ESRRB: variants seen among roughly 807,000 people sequenced by gnomAD.
ESRRB encodes estrogen related receptor beta.
A neutral mutation model predicts 46.0 loss-of-function variants in ESRRB; 16 were observed. The observed-to-expected ratio is 0.35, with a 90% CI of 0.24 to 0.53. The LOEUF is 0.53. Among genes scored for constraint, ESRRB ranks in the 20% least tolerant of loss-of-function variants. ESRRB has a pLI of 0.93. For missense variants in ESRRB, 488 were observed against 607.4 expected (o/e 0.80, Z 2.07); for synonymous variants, 246 against 259.6 (o/e 0.95, Z 0.50).
intron 1 of ESRRB, among the ~76,000 whole-genome samples, chr14:76,338,983 G>A (rs1185504610): frequency 1.3e-5 from 2 of 152,034 alleles, no homozygotes; most frequent in Non-Finnish European, 1.5e-5. Flanking sequence ...CACCTCAAAG[G>A]GACCATGGAT....
At chr14:76,458,294 C>T (rs1385199602) in intron 2 of ESRRB, among the ~76,000 whole-genome samples, 1 of 152,132 alleles carries the variant, frequency 6.6e-6, no homozygotes, top group Non-Finnish European at 1.5e-5. Context: ...AATCTCATCA[C>T]TTTATCGAGG....
At chr14:76,346,659 C>T (rs564378517) in intron 1 of ESRRB, among the ~76,000 whole-genome samples, 2 of 152,194 alleles carry the variant, frequency 1.3e-5, no homozygotes, top group Non-Finnish European at 2.9e-5. Flanking sequence ...TGCCCAGGCA[C>T]CTCAACTGGG....
intron 5 of ESRRB, among the ~76,000 whole-genome samples, chr14:76,485,385 G>T (rs899075124): frequency 6.6e-6 from 1 of 151,476 alleles, no homozygotes; most frequent in Admixed American, 6.6e-5. Flanking sequence ...CTACAGGCAC[G>T]TGCCACCACC....
At chr14:76,329,412 G>A (rs774588778) in intron 1 of ESRRB, among the ~76,000 whole-genome samples, 30 of 152,052 alleles carry the variant, frequency 2.0e-4, no homozygotes, top group Non-Finnish European at 3.8e-4. Flanking sequence ...TCCCAATGCC[G>A]GCTGGCCCAG....
rs76196125 is a variant in ESRRB at position 76,398,122 on chromosome 14, C to T, written c.50+21671C>T. 2.0e-3 allele frequency among the ~76,000 whole-genome samples: 311 copies of T among 152,362 alleles called. 2 individuals are homozygous for T. The highest frequency in any genetic ancestry group is 7.1e-3 in the African/African-American group (296 of 41,584). On this transcript the variant is annotated intron_variant, in intron 1 of 6. Transcript: ENST00000644823. ...TTGGAAAATTGGTTCAATAGCCCTG[C>T]TAGCTGGCATGCATTGAAGTATTTC... is the stretch of plus-strand genomic sequence containing the variant.
At chr14:76,453,595 C>CT (rs1178446665) in intron 2 of ESRRB, among the ~76,000 whole-genome samples, 16 of 141,208 alleles carry the variant, frequency 1.1e-4, no homozygotes, top group South Asian at 2.2e-4. Context: ...TGAAAAAAAG[C>CT]TCTTTTTTTT....
At chr14:76,323,170 C>T (rs1883887827) in intron 1 of ESRRB, among the ~76,000 whole-genome samples, 1 of 152,162 alleles carries the variant, frequency 6.6e-6, no homozygotes, top group South Asian at 2.1e-4. Context: ...TTGAAAACCT[C>T]AGATCACCGA....
intron 2 of ESRRB, among the ~76,000 whole-genome samples, chr14:76,440,807 G>C (rs544278731): frequency 6.6e-6 from 1 of 152,034 alleles, no homozygotes; most frequent in Non-Finnish European, 1.5e-5. Context: ...GGGAGGCCAA[G>C]GTGGGCCTTG....
chr14:76,390,828 G>A (rs1403367692), intron 1 of ESRRB, among the ~76,000 whole-genome samples: 1 of 152,202 alleles, frequency 6.6e-6, no homozygotes, highest in African/African-American at 2.4e-5. Flanking sequence ...TGAGAGGATT[G>A]TGCCCCAGGC....
intron 1 of ESRRB, among the ~76,000 whole-genome samples, chr14:76,382,311 GC>G (rs1015377408): frequency 1.1e-4 from 17 of 152,244 alleles, no homozygotes. Flanking sequence ...GGGCTGCCGT[GC>G]CTTGGGATTG....
chr14:76,325,467 A>T (rs1230143502), intron 1 of ESRRB, among the ~76,000 whole-genome samples: 1 of 152,174 alleles, frequency 6.6e-6, no homozygotes, highest in Non-Finnish European at 1.5e-5. Context: ...GAAGGCAAGC[A>T]CACGGAGAAG....
intron 1 of ESRRB, among the ~76,000 whole-genome samples, chr14:76,393,740 T>C (rs1885558245): frequency 6.6e-6 from 1 of 152,172 alleles, no homozygotes; most frequent in South Asian, 2.1e-4. Context: ...CGGAAGGACC[T>C]GGGGTCCCCA....
At chr14:76,381,288 C>T (rs1401602694) in intron 1 of ESRRB, among the ~76,000 whole-genome samples, 3 of 152,080 alleles carry the variant, frequency 2.0e-5, no homozygotes, top group Non-Finnish European at 2.9e-5. Flanking sequence ...CTGCACTTCA[C>T]GGTGACCCCT....
intron 1 of ESRRB, among the ~76,000 whole-genome samples, chr14:76,343,191 A>C (rs1276657835): frequency 6.6e-6 from 1 of 152,220 alleles, no homozygotes; most frequent in African/African-American, 2.4e-5. Flanking sequence ...AACTGAGCCA[A>C]GTGAGAGGGA....
rs144465283 is a variant in ESRRB at position 76,498,963 on chromosome 14, G to A, written c.*505G>A. The stretch of plus-strand genomic sequence containing the variant: ...CTTCCAGAGGTCCTACCTGCTCTGA[G>A]ATCCTCTGGGGCCGGTCAAGAGGCC... On this transcript the variant is annotated 3_prime_UTR_variant, in exon 7 of 7. Transcript: ENST00000644823. The A allele has an allele frequency of 9.8e-4, 437 of 443,990 alleles. 1 individual carries two copies. The highest frequency in any genetic ancestry group is 3.3e-3 in the Middle Eastern group (9 of 2,758). The allele number at this position is 443,990 out of a possible 1,614,324, so 27.5% of individuals were successfully genotyped here.
rs1430512976 is a variant in ESRRB at position 76,501,523 on chromosome 14, T to C, written c.*3065T>C. 1.3e-5 allele frequency: 2 copies of C among 151,838 alleles called. No homozygotes were observed. Among genetic ancestry groups the C allele is most frequent in the Non-Finnish European group, 2.9e-5 (2 of 67,968 alleles). The allele number at this position is 151,838 out of a possible 1,614,324, so 9.4% of individuals were successfully genotyped here. On this transcript the variant is annotated 3_prime_UTR_variant, in exon 7 of 7. Transcript: ENST00000644823. ...AGACTCTGCCCTCCCTCTGTGCAGATGGAAGTGGCAGGGGAGGGTGACCAG... is the reference window on the plus strand; with the variant it reads ...AGACTCTGCCCTCCCTCTGTGCAGACGGAAGTGGCAGGGGAGGGTGACCAG...
At chr14:76,439,966 C>G (rs952216866) in intron 2 of ESRRB, among the ~76,000 whole-genome samples, 6 of 152,150 alleles carry the variant, frequency 3.9e-5, no homozygotes, top group Admixed American at 3.9e-4. Flanking sequence ...TTCCCCACCC[C>G]CTCAGCTCCC....
chr14:76,479,892 G>C (rs1889737167), intron 3 of ESRRB, among the ~76,000 whole-genome samples: 1 of 152,128 alleles, frequency 6.6e-6, no homozygotes. Flanking sequence ...TTTTGAGATG[G>C]AGTCTCACTC....
intron 1 of ESRRB, among the ~76,000 whole-genome samples, chr14:76,396,902 G>A (rs1442701998): frequency 1.3e-5 from 2 of 152,240 alleles, no homozygotes; most frequent in Admixed American, 1.3e-4. Context: ...GCCAGGCCGA[G>A]GGAGTCGCTG....
Sources: gnomAD v4.1 joint callset for allele counts (sites outside exome capture counted in the v4.1 genomes callset) on GRCh38, gnomAD v4.1.1 for gene constraint, MANE v1.5 for transcripts, NCBI Gene and HGNC (gene_info 2026-07-23, HGNC 2026-07-21) for gene names.